TBX4: variants seen among roughly 807,000 people sequenced by gnomAD.
TBX4 encodes the protein T-box transcription factor 4, also known as T-box transcription factor TBX4.
A neutral mutation model predicts 54.6 loss-of-function variants in TBX4; 13 were observed. That is an observed-to-expected ratio of 0.24 (90% CI 0.15 to 0.38). TBX4 has a LOEUF of 0.38. Among genes scored for constraint, TBX4 ranks in the 10% least tolerant of loss-of-function variants. The pLI, the probability that TBX4 is intolerant of heterozygous loss-of-function variation, is 1.00. For missense variants in TBX4, 631 were observed against 728.5 expected (o/e 0.87, Z 1.54); for synonymous variants, 314 against 306.7 (o/e 1.02, Z -0.25).
At chr17:61,453,430 C>T (rs1033969457) in intron 1 of TBX4, among the ~76,000 whole-genome samples, 1 of 151,996 alleles carries the variant, frequency 6.6e-6, no homozygotes, top group Non-Finnish European at 1.5e-5. Flanking sequence ...ATTATTGATA[C>T]TACAGTGAAC....
In TBX4 at chr17:61,456,646, C is replaced by A. The variant is rs752496226; in HGVS notation, c.156C>A (p.Ala52=). ...TAGGCAGCCCCCCGGGACCCGGGGC[C>A]GACGTCGTCGCCGCCGCCGCCGCGG... ...AALGSPPGPG[A]DVVAAAAAEQ... The change falls in exon 2 of 9, where the codon GCC becomes GCA. Residue 52 remains alanine, a synonymous_variant. Transcript: ENST00000644296. 2 of 1,350,258 alleles carry A rather than the reference C, an allele frequency of 1.5e-6. No individual in the cohort carries two copies. Among genetic ancestry groups the A allele is most frequent in the South Asian group, 2.0e-5 (1 of 50,040 alleles). The allele number at this position is 1,350,258 out of a possible 1,614,324, so 83.6% of individuals were successfully genotyped here.
In TBX4 at chr17:61,470,008, G is replaced by A. The variant is rs76386717; in HGVS notation, c.549+2351G>A. 4.8e-3 allele frequency among the ~76,000 whole-genome samples: 731 copies of A among 152,298 alleles called. 15 individuals carry two copies. In the East Asian group the frequency reaches 0.063, roughly 13 times the overall value. ...CACATGGGCTTGGACTTTTCTTGGG[G>A]ATCCTCACGGTATCCCAGGAGCTTG... On this transcript the variant is annotated intron_variant, in intron 5 of 8. Transcript: ENST00000644296.
intron 5 of TBX4, among the ~76,000 whole-genome samples, chr17:61,473,281 T>C (rs2060593837): frequency 1.3e-5 from 2 of 152,352 alleles, no homozygotes; most frequent in South Asian, 4.1e-4. Context: ...TCACCACTTA[T>C]TTCTGCTCAT....
chr17:61,480,396 C>G lies in TBX4; in HGVS notation c.1021+77C>G, dbSNP rs768434162. ...TCTCCCCGAAACCACTCTGCAGCGC[C>G]CCCCCCCCCAACACACACACACTCA... On this transcript the variant is annotated intron_variant, in intron 8 of 8. Transcript: ENST00000644296. The surrounding 1 kb of genome is among the most constrained non-coding windows in gnomAD (Gnocchi z 6.2). 89 of 800,748 alleles carry G rather than the reference C, an allele frequency of 1.1e-4. No homozygotes were observed. The highest frequency in any genetic ancestry group is 1.5e-4 in the Non-Finnish European group (79 of 543,628). 49.6% of individuals were successfully genotyped at this position (800,748 alleles called of 1,614,324 possible). A position where few individuals can be genotyped will look rare whatever the true frequency, so the allele number is the denominator to read the frequency against.
chr17:61,461,662 C>A lies in TBX4; in HGVS notation c.281+4031C>A, dbSNP rs897868015. Among the ~76,000 whole-genome samples the A allele has an allele frequency of 5.3e-5, 8 of 152,122 alleles. No individual in the cohort carries two copies. The highest frequency in any genetic ancestry group is 1.9e-4 in the African/African-American group (8 of 41,422). On this transcript the variant is annotated intron_variant, in intron 3 of 8. Coordinates refer to ENST00000644296, the MANE Select transcript of TBX4 (RefSeq NM_001321120.2). This position sits in a 1 kb window ranked among gnomAD's most constrained non-coding sequence, Gnocchi z 5.1. The stretch of plus-strand genomic sequence containing the variant: ...TTAAGGGTGCAGCTTTACAGACTTG[C>A]ACAAAATAAACACACTCGTGTAACC...
rs370400161 is a variant in TBX4 at position 61,476,758 on chromosome 17, C to T, written c.550-1869C>T. ...GGAGGTTTGTCACTGAGGGCTGAGG[C>T]GGGAGTGGCCAGTGCAGAAGGCAGA... On this transcript the variant is annotated intron_variant, in intron 5 of 8. Coordinates refer to ENST00000644296, the MANE Select transcript of TBX4 (RefSeq NM_001321120.2). This position sits in a 1 kb window ranked among gnomAD's most constrained non-coding sequence, Gnocchi z 6.5. 7.2e-5 allele frequency among the ~76,000 whole-genome samples: 11 copies of T among 152,300 alleles called. No homozygotes were observed. In the South Asian group the frequency reaches 1.9e-3, roughly 26 times the overall value.
rs1482970195 is a variant in TBX4, at chr17:61,464,884, T to C, written c.282-935T>C. On this transcript the variant is annotated intron_variant, in intron 3 of 8. Coordinates refer to ENST00000644296, the MANE Select transcript of TBX4 (RefSeq NM_001321120.2). This position sits in a 1 kb window ranked among gnomAD's most constrained non-coding sequence, Gnocchi z 5.8. ...CATGGGCTGCAGGAAATGACAAACT[T>C]TCTGGGTTTTGGTGAATCCATTTTC... Among the ~76,000 whole-genome samples the C allele has an allele frequency of 6.6e-6, 1 of 152,190 alleles. No individual in the cohort carries two copies.
At position 61,480,165 on chromosome 17, in the gene TBX4, C is replaced by T. The variant is rs775385092; in HGVS notation, c.867C>T (p.Asp289=). ...CCCCCCAGCTCTCAGCCACACCGGA[C>T]GTGGGCCCCCTGCTCGGCACCCACC... ...LISPQLSATP[D]VGPLLGTHQA... The change falls in exon 8 of 9, where the codon GAC becomes GAT. Residue 289 remains aspartate, a synonymous_variant. Transcript: ENST00000644296. The surrounding 1 kb of genome is among the most constrained non-coding windows in gnomAD (Gnocchi z 6.2). 8 of 1,614,018 alleles carry T rather than the reference C, an allele frequency of 5.0e-6. No homozygotes were observed. The highest frequency in any genetic ancestry group is 1.1e-5 in the South Asian group (1 of 91,084).
At chr17:61,469,939 A>G (rs2060564652) in intron 5 of TBX4, among the ~76,000 whole-genome samples, 1 of 152,160 alleles carries the variant, frequency 6.6e-6, no homozygotes, top group Non-Finnish European at 1.5e-5. Context: ...CTACGTTTTC[A>G]GCTTGCCCTG....
chr17:61,454,095 G>C (rs1382442930), intron 1 of TBX4, among the ~76,000 whole-genome samples: 1 of 152,210 alleles, frequency 6.6e-6, no homozygotes, highest in African/African-American at 2.4e-5. Flanking sequence ...AACAAATTTA[G>C]TAACAGTAAG....
rs543636761 is a variant in TBX4 at position 61,474,449 on chromosome 17, G to C, written c.550-4178G>C. Among the ~76,000 whole-genome samples, 4 of 152,272 alleles carry C rather than the reference G, an allele frequency of 2.6e-5. No individual in the cohort carries two copies. The South Asian group carries it at 8.3e-4, about 32-fold the overall frequency. On this transcript the variant is annotated intron_variant, in intron 5 of 8. Transcript: ENST00000644296. This position sits in a 1 kb window ranked among gnomAD's most constrained non-coding sequence, Gnocchi z 4.6. The stretch of plus-strand genomic sequence containing the variant: ...ACTACCAGCATTCTGTTCCTCATCT[G>C]TAAAATTAGAGAGCTGGACACGAAT...
rs1280266365 is a variant in TBX4, at chr17:61,465,587, A to C, written c.282-232A>C. ...GAAATGGTGTAAACTCTCCTCCTAG[A>C]CACAGACTGATAGCTGCAGGGGCTC... is the stretch of plus-strand genomic sequence containing the variant. On this transcript the variant is annotated intron_variant, in intron 3 of 8. Coordinates refer to ENST00000644296, the MANE Select transcript of TBX4 (RefSeq NM_001321120.2). This position sits in a 1 kb window ranked among gnomAD's most constrained non-coding sequence, Gnocchi z 4.9. Among the ~76,000 whole-genome samples the C allele has an allele frequency of 6.6e-6, 1 of 152,218 alleles. No homozygotes were observed. Among genetic ancestry groups the C allele is most frequent in the Non-Finnish European group, 1.5e-5 (1 of 68,026 alleles).
At position 61,462,581 on chromosome 17, in the gene TBX4, G is replaced by T. The variant is rs1369884952; in HGVS notation, c.282-3238G>T. ...GGAGAGGGGGAGCGCGCAAGGAGGG[G>T]GCTGGCTGGGGCGGACCCAGAGGTA... On this transcript the variant is annotated intron_variant, in intron 3 of 8. Transcript: ENST00000644296. The surrounding 1 kb of genome is among the most constrained non-coding windows in gnomAD (Gnocchi z 4.5). 6.6e-6 allele frequency among the ~76,000 whole-genome samples: 1 copy of T among 151,710 alleles called. No homozygotes were observed. Among genetic ancestry groups the T allele is most frequent in the African/African-American group, 2.4e-5 (1 of 41,278 alleles).
In TBX4 at chr17:61,475,006, A is replaced by G. The variant is rs1318859355; in HGVS notation, c.550-3621A>G. On this transcript the variant is annotated intron_variant, in intron 5 of 8. Transcript: ENST00000644296. This position sits in a 1 kb window ranked among gnomAD's most constrained non-coding sequence, Gnocchi z 5.0. ...TGGGGACCCCAATGGTTGGAGAAGG[A>G]GAAGAGCTTGCTCAGGACTTGACGC... 6.6e-6 allele frequency among the ~76,000 whole-genome samples: 1 copy of G among 152,202 alleles called. No individual in the cohort carries two copies. Among genetic ancestry groups the G allele is most frequent in the Non-Finnish European group, 1.5e-5 (1 of 68,038 alleles).
rs890780589 is a variant in TBX4 at position 61,460,563 on chromosome 17, C to A, written c.281+2932C>A. Among the ~76,000 whole-genome samples, 12 of 152,188 alleles carry A rather than the reference C, an allele frequency of 7.9e-5. No individual in the cohort carries two copies. Among genetic ancestry groups the A allele is most frequent in the Middle Eastern group, 3.4e-3 (1 of 294 alleles). ...CTCCATGTCAGGTGTGAAATGGGGG[C>A]CACAGCCCTCCGCAGCCCGTCTCAG... On this transcript the variant is annotated intron_variant, in intron 3 of 8. Coordinates refer to ENST00000644296, the MANE Select transcript of TBX4 (RefSeq NM_001321120.2). This position sits in a 1 kb window ranked among gnomAD's most constrained non-coding sequence, Gnocchi z 4.4.
rs992104313 is a variant in TBX4 at position 61,474,966 on chromosome 17, GC to G, written c.550-3657del. On this transcript the variant is annotated intron_variant, in intron 5 of 8. Transcript: ENST00000644296. This position sits in a 1 kb window ranked among gnomAD's most constrained non-coding sequence, Gnocchi z 4.6. ...GGTGTTTGGGACCACTTAGTCAAAG[GC>G]CCCACTTCATAGATGGGGACCCCAA... 3.3e-4 allele frequency among the ~76,000 whole-genome samples: 51 copies of G among 152,340 alleles called. 2 individuals carry two copies. The highest frequency in any genetic ancestry group is 1.0e-4 in the Non-Finnish European group (7 of 68,030).
In TBX4 at chr17:61,464,745, G is replaced by A. The variant is rs1476238495; in HGVS notation, c.282-1074G>A. 6.6e-6 allele frequency among the ~76,000 whole-genome samples: 1 copy of A among 152,172 alleles called. No homozygotes were observed. Among genetic ancestry groups the A allele is most frequent in the Non-Finnish European group, 1.5e-5 (1 of 68,030 alleles). On this transcript the variant is annotated intron_variant, in intron 3 of 8. Transcript: ENST00000644296. This position sits in a 1 kb window ranked among gnomAD's most constrained non-coding sequence, Gnocchi z 5.8. ...GACCTAGTGACTAGGGGAGGGAGCT[G>A]TGCCCAGAGCGTTTGTGTATGCGCT...
Position 61,480,102 on chromosome 17 carries a change from C to G in TBX4, c.804C>G (p.Pro268=). The G allele has an allele frequency of 6.2e-7, 1 of 1,614,074 alleles. No individual in the cohort carries two copies. The highest frequency in any genetic ancestry group is 8.5e-7 in the Non-Finnish European group (1 of 1,179,998). Residue 268 remains proline (P), a synonymous_variant, in exon 8 of 9, where the codon CCC becomes CCG. Transcript: ENST00000644296. This position sits in a 1 kb window ranked among gnomAD's most constrained non-coding sequence, Gnocchi z 6.2. The stretch of plus-strand genomic sequence containing the variant: ...CCCACCCCTTCAGCAAAGAATACCC[C>G]GTGATTTCCAAAAGCATCATGAGGC... ...RVARLQSKEY[P]VISKSIMRQR... is the part of the protein sequence containing the mutation.
Position 61,457,826 on chromosome 17 carries a change from G to A in TBX4, c.281+195G>A, listed in dbSNP as rs538669742. On this transcript the variant is annotated intron_variant, in intron 3 of 8. Transcript: ENST00000644296. This position sits in a 1 kb window ranked among gnomAD's most constrained non-coding sequence, Gnocchi z 8.2. ...CCGCAGGGGGCCACCGCAGCCGCGC[G>A]GGCCTTGCGGGAAAGACCGAGGGGA... Among the ~76,000 whole-genome samples, 1 of 152,208 alleles carries A rather than the reference G, an allele frequency of 6.6e-6. No individual in the cohort carries two copies. Among genetic ancestry groups the A allele is most frequent in the Non-Finnish European group, 1.5e-5 (1 of 68,042 alleles).
Sources: allele counts gnomAD v4.1 joint callset (sites outside exome capture counted in the v4.1 genomes callset), GRCh38; gene constraint gnomAD v4.1.1; non-coding constraint Gnocchi (gnomAD v3.1); transcripts MANE v1.5; gene names NCBI Gene and HGNC (gene_info 2026-07-23, HGNC 2026-07-21).